Variants in PNPT1 observed in about 807,000 individuals in gnomAD.
The protein encoded by PNPT1 is polyribonucleotide nucleotidyltransferase 1, also known as polyribonucleotide nucleotidyltransferase 1, mitochondrial.
Under a neutral mutation model 119.5 loss-of-function variants are expected in PNPT1, and 53 were observed. The observed-to-expected ratio is 0.44, with a 90% confidence interval of 0.36 to 0.56. The LOEUF is 0.56. PNPT1 is among the 20% of genes least tolerant of loss of function. PNPT1 has a pLI of 0.00. For missense variants in PNPT1, 948 were observed against 938.5 expected (o/e 1.01, Z -0.13); for synonymous variants, 357 against 322.1 (o/e 1.11, Z -1.16).
chr2:55,681,430 A>T (rs1360666927), intron 5 of PNPT1, among the ~76,000 whole-genome samples: 1 of 151,966 alleles, frequency 6.6e-6, no homozygotes, highest in Non-Finnish European at 1.5e-5. Context: ...AAACGGGAAA[A>T]ATAATGGCCT....
rs1223113698 is a variant in PNPT1 at position 55,673,044 on chromosome 2, G to C, written c.715C>G (p.Gln239Glu). 1 of 1,610,628 alleles carries C rather than the reference G, an allele frequency of 6.2e-7. No individual in the cohort carries two copies. The highest frequency in any genetic ancestry group is 8.5e-7 in the Non-Finnish European group (1 of 1,179,222). Residue 239 changes from glutamine to glutamate, a missense_variant, in exon 9 of 28, where the codon CAG becomes GAG. By Grantham distance (29) the Gln-to-Glu change is conservative. Coordinates refer to ENST00000447944, the MANE Select transcript of PNPT1 (RefSeq NM_033109.5). ...LEASAENILQ[Q>E]DFCHAIKVGV... ...ACTTTGATAGCATGGCAAAAGTCCTGCTGTAAAATGTTCTCTGCAGAGGCT... is the reference window on the plus strand; with the variant it reads ...ACTTTGATAGCATGGCAAAAGTCCTCCTGTAAAATGTTCTCTGCAGAGGCT...
chr2:55,673,323 C>T (rs889515203), intron 8 of PNPT1, among the ~76,000 whole-genome samples: 2 of 149,470 alleles, frequency 1.3e-5, no homozygotes, highest in Non-Finnish European at 3.0e-5. Flanking sequence ...AGGGATTTCC[C>T]ATAAAAAATG....
At chr2:55,646,012 G>A (rs1695990528) in intron 21 of PNPT1, among the ~76,000 whole-genome samples, 1 of 152,054 alleles carries the variant, frequency 6.6e-6, no homozygotes, top group Non-Finnish European at 1.5e-5. Flanking sequence ...ACTTTTAGTA[G>A]AGACAGGGTT....
intron 26 of PNPT1, among the ~76,000 whole-genome samples, chr2:55,639,290 G>GA (rs1013420645): frequency 2.6e-5 from 4 of 151,618 alleles, no homozygotes; most frequent in Non-Finnish European, 5.9e-5. Flanking sequence ...ATAATAAGGT[G>GA]AAAAAAAATA....
chr2:55,650,141 CACCTCT>C lies in PNPT1; in HGVS notation c.1496-2694_1496-2689del, dbSNP rs75906141. 3.9e-3 allele frequency among the ~76,000 whole-genome samples: 583 copies of C among 149,936 alleles called. 3 individuals carry two copies. Among genetic ancestry groups the C allele is most frequent in the Non-Finnish European group, 5.9e-3 (395 of 67,296 alleles). On this transcript the variant is annotated intron_variant, in intron 18 of 27. Coordinates refer to ENST00000447944, the MANE Select transcript of PNPT1 (RefSeq NM_033109.5). ...AAATCCTGCCCTCTCTCCCTCTCTC[CACCTCT>C]ACCTCTACCTCTACCTCTACCTCTA... is the stretch of plus-strand genomic sequence containing the variant.
chr2:55,674,937 T>A (rs1366091243), intron 8 of PNPT1, among the ~76,000 whole-genome samples: 1 of 152,224 alleles, frequency 6.6e-6, no homozygotes, highest in Non-Finnish European at 1.5e-5. Flanking sequence ...TTAATGGGTA[T>A]AAATTATATC....
intron 13 of PNPT1, among the ~76,000 whole-genome samples, chr2:55,664,515 G>A (rs1053653253): frequency 1.3e-5 from 2 of 151,786 alleles, no homozygotes; most frequent in African/African-American, 4.8e-5. Flanking sequence ...AGTAATCACT[G>A]GAAAATAACT....
intron 7 of PNPT1, 72 bp from the exon 8 acceptor site, chr2:55,679,867 G>C: frequency 2.0e-6 from 2 of 994,326 alleles, no homozygotes; most frequent in Non-Finnish European, 3.0e-6. Flanking sequence ...TCCAGTCATG[G>C]CTTCAACCCC....
intron 1 of PNPT1, among the ~76,000 whole-genome samples, chr2:55,692,356 C>T (rs782583): frequency 0.93 from 141,725 of 152,234 alleles, 66,529 homozygotes; most frequent in African/African-American, 0.97. Context: ...TCAATGTCAA[C>T]TACTTATCAA....
intron 5 of PNPT1, among the ~76,000 whole-genome samples, chr2:55,682,767 G>A (rs1697287777): frequency 6.6e-6 from 1 of 151,976 alleles, no homozygotes; most frequent in Non-Finnish European, 1.5e-5. Context: ...AACTTAGCTG[G>A]GTATGGTGGT....
At chr2:55,642,736 T>G (rs1239512381) in intron 25 of PNPT1, among the ~76,000 whole-genome samples, 1 of 152,002 alleles carries the variant, frequency 6.6e-6, no homozygotes, top group African/African-American at 2.4e-5. Context: ...AAATAATGAT[T>G]ATATGGCAAT....
At chr2:55,666,792 T>C (rs1475945024) in intron 13 of PNPT1, among the ~76,000 whole-genome samples, 199 bp downstream of exon 13, 1 of 152,206 alleles carries the variant, frequency 6.6e-6, no homozygotes, top group Non-Finnish European at 1.5e-5. Context: ...CAATGAGCTA[T>C]GATTGTGCCA....
At chr2:55,669,584 G>A (rs1048946592) in intron 11 of PNPT1, among the ~76,000 whole-genome samples, 1 of 152,146 alleles carries the variant, frequency 6.6e-6, no homozygotes, top group African/African-American at 2.4e-5. Context: ...TCAACCCAGA[G>A]GGTCGTGAAG....
chr2:55,645,385 G>C lies in PNPT1; in HGVS notation c.1786C>G (p.Pro596Ala), dbSNP rs1695957320. ...CCATTTTCTTTTCTAGATGCTCGAGGTTTTGAAATAGTTTTGTTCATGATC... is the reference window on the plus strand; with the variant it reads ...CCATTTTCTTTTCTAGATGCTCGAGCTTTTGAAATAGTTTTGTTCATGATC... Reference protein sequence around the residue: ...LQIMNKTISKPRASRKENGPV... With the variant: ...LQIMNKTISKARASRKENGPV... Residue 596 changes from proline to alanine, a missense_variant, in exon 22 of 28, where the codon CCT becomes GCT. Transcript: ENST00000447944. The C allele has an allele frequency of 2.5e-6, 4 of 1,612,230 alleles. No homozygotes were observed. The highest frequency in any genetic ancestry group is 2.5e-6 in the Non-Finnish European group (3 of 1,178,760).
intron 1 of PNPT1, among the ~76,000 whole-genome samples, chr2:55,692,368 GT>G (rs1416868503): frequency 6.6e-6 from 1 of 152,120 alleles, no homozygotes; most frequent in East Asian, 1.9e-4. Context: ...ACTTATCAAA[GT>G]TAGAGTGCGA....
At position 55,672,004 on chromosome 2, in the gene PNPT1, C is replaced by T; in HGVS notation, c.909G>A (p.Glu303=). Residue 303 remains glutamate, a synonymous_variant, in exon 10 of 28, where the codon GAG becomes GAA. Transcript: ENST00000447944. ...ACTCAGGTATACCTACTTTGTCATGCTCGTAATCTGTAAAAACTGCATAGA... is the reference window on the plus strand; with the variant it reads ...ACTCAGGTATACCTACTTTGTCATGTTCGTAATCTGTAAAAACTGCATAGA... ...ERLYAVFTDY[E]HDKVSRDEAV... is the part of the protein sequence containing the mutation. The T allele has an allele frequency of 1.9e-6, 3 of 1,601,234 alleles. No homozygotes were observed. The highest frequency in any genetic ancestry group is 2.6e-6 in the Non-Finnish European group (3 of 1,174,222).
At chr2:55,641,689 A>G (rs1022832189) in intron 25 of PNPT1, among the ~76,000 whole-genome samples, 2 of 152,140 alleles carry the variant, frequency 1.3e-5, no homozygotes, top group African/African-American at 4.8e-5. Flanking sequence ...CTGCAATATT[A>G]AACAAATTAT....
chr2:55,682,414 T>C (rs13005850), intron 5 of PNPT1, among the ~76,000 whole-genome samples: 21,706 of 151,746 alleles, frequency 0.14, 1,894 homozygotes, highest in East Asian at 0.3. Context: ...TGAGCCGAGA[T>C]TGCGCCATTG....
chr2:55,687,528 T>A (rs930397439), intron 2 of PNPT1, 117 bp downstream of exon 2: 1 of 718,628 alleles, frequency 1.4e-6, no homozygotes, highest in African/African-American at 1.8e-5. Context: ...CTTAGTAGTA[T>A]CTGAATTAAT....
Sources: gnomAD v4.1 joint callset for allele counts (sites outside exome capture counted in the v4.1 genomes callset) on GRCh38, gnomAD v4.1.1 for gene constraint, MANE v1.5 for transcripts, NCBI Gene and HGNC (gene_info 2026-07-23, HGNC 2026-07-21) for gene names.